IPO11: variants seen among roughly 807,000 people sequenced by gnomAD.
IPO11 encodes the protein importin 11, also known as importin-11.
Under a neutral mutation model 143.2 loss-of-function variants are expected in IPO11, and 66 were observed. The ratio of observed to expected loss-of-function variants is 0.46; its 90% CI spans 0.38 to 0.57. The LOEUF (loss-of-function observed/expected upper bound fraction) is 0.57. Ranked by LOEUF, IPO11 falls within the 20% of genes least tolerant of loss-of-function variation. The probability of loss-of-function intolerance (pLI) is 0.00; values close to 1 mark genes in which losing one functional copy is unlikely to be tolerated. For missense variants in IPO11, 1,026 were observed against 1,141.0 expected (o/e 0.90, Z 1.45); for synonymous variants, 385 against 377.8 (o/e 1.02, Z -0.22).
chr5:62,421,568 G>C (rs1157120275), intron 1 of IPO11, among the ~76,000 whole-genome samples: 1 of 152,158 alleles, frequency 6.6e-6, no homozygotes, highest in African/African-American at 2.4e-5. Context: ...TGTCACTAAT[G>C]AGCCTGTGAC....
In IPO11 at chr5:62,476,514, G is replaced by A. The variant is rs201940304; in HGVS notation, c.758-169G>A. Among the ~76,000 whole-genome samples, 22 of 152,202 alleles carry A rather than the reference G, an allele frequency of 1.4e-4. No homozygotes were observed. The East Asian group carries it at 4.0e-3, about 28-fold the overall frequency. The stretch of plus-strand genomic sequence containing the variant: ...AATTTTATATAATATGGCACAGAGG[G>A]CTACTGTGTCTGTTACTCAGTGTAA... On this transcript the variant is annotated intron_variant, in intron 8 of 29. Coordinates refer to ENST00000325324, the MANE Select transcript of IPO11 (RefSeq NM_016338.5).
chr5:62,586,752 CAAAAA>C lies in IPO11; in HGVS notation c.2583-4812_2583-4808del, dbSNP rs763383085. Among the ~76,000 whole-genome samples the C allele has an allele frequency of 2.4e-3, 148 of 60,470 alleles. 1 individual carries two copies. The highest frequency in any genetic ancestry group is 8.8e-3 in the African/African-American group (111 of 12,598). The allele number at this position is 60,470 out of a possible 152,430, so 39.7% of individuals were successfully genotyped here. On this transcript the variant is annotated intron_variant, in intron 27 of 29. Transcript: ENST00000325324. ...GGCAACAAGAGCAAAACTCAGTCTC[CAAAAA>C]AAAAAAAAAAAATATATATATATAT...
chr5:62,503,695 A>G (rs1424499872), intron 16 of IPO11, among the ~76,000 whole-genome samples: 1 of 152,184 alleles, frequency 6.6e-6, no homozygotes, highest in Admixed American at 6.5e-5. Context: ...CAGTGAATAA[A>G]AGGAAAAAGC....
chr5:62,522,288 G>GTTTTTTTTTGTT (rs748422686), intron 20 of IPO11, among the ~76,000 whole-genome samples: 4 of 140,200 alleles, frequency 2.9e-5, no homozygotes, highest in African/African-American at 1.1e-4. Context: ...ATTGTGGTGG[G>GTTTTTTTTTGTT]TTTTTTTTTT....
intron 1 of IPO11, among the ~76,000 whole-genome samples, chr5:62,423,877 C>A (rs1743603819): frequency 6.6e-6 from 1 of 152,154 alleles, no homozygotes; most frequent in Non-Finnish European, 1.5e-5. Context: ...AAATTAATTT[C>A]TTTCTTGTCT....
rs1561380790 is a variant in IPO11 at position 62,598,492 on chromosome 5, CTCTTTCTT to C, written c.2679-3242_2679-3235del. On this transcript the variant is annotated intron_variant, in intron 28 of 29. Coordinates refer to ENST00000325324, the MANE Select transcript of IPO11 (RefSeq NM_016338.5). ...TCTCTCTCTCTCTCTCTCTCTCTCT[CTCTTTCTT>C]TCTTTCTTTCTTTCTTTCTTTCTTT... Among the ~76,000 whole-genome samples the C allele has an allele frequency of 1.8e-3, 5 of 2,778 alleles. 1 individual carries two copies. The highest frequency in any genetic ancestry group is 0.012 in the South Asian group (1 of 82). The allele number at this position is 2,778 out of a possible 152,430, so 1.8% of individuals were successfully genotyped here.
In IPO11 at chr5:62,567,920, A is replaced by G. The variant is rs1050384739; in HGVS notation, c.2582+6663A>G. On this transcript the variant is annotated intron_variant, in intron 27 of 29. Coordinates refer to ENST00000325324, the MANE Select transcript of IPO11 (RefSeq NM_016338.5). ...CGTAAGCCTTATTCATTTGTTTTCA[A>G]TTTTTCTCCTCCTTTGATTGTGTTT... is the stretch of plus-strand genomic sequence containing the variant. 1.3e-4 allele frequency among the ~76,000 whole-genome samples: 19 copies of G among 146,916 alleles called. 2 individuals carry two copies. Among genetic ancestry groups the G allele is most frequent in the Admixed American group, 9.6e-4 (14 of 14,584 alleles).
At chr5:62,557,173 T>C (rs1464931204) in intron 26 of IPO11, among the ~76,000 whole-genome samples, 1 of 152,120 alleles carries the variant, frequency 6.6e-6, no homozygotes, top group Non-Finnish European at 1.5e-5. Context: ...ATAACAACTC[T>C]GGGATGGTCA....
intron 26 of IPO11, among the ~76,000 whole-genome samples, chr5:62,558,310 T>C (rs1743646431): frequency 6.6e-6 from 1 of 152,236 alleles, no homozygotes; most frequent in Admixed American, 6.5e-5. Context: ...CTATCAATAA[T>C]AAGCTAGTTT....
chr5:62,580,910 C>G (rs1744530338), intron 27 of IPO11: 5 of 1,551,336 alleles, frequency 3.2e-6, no homozygotes, highest in Non-Finnish European at 4.4e-6. Context: ...CTTACTACTT[C>G]TGTTACCTTG....
intron 26 of IPO11, chr5:62,560,884 A>T: frequency 3.8e-6 from 1 of 262,026 alleles, no homozygotes; most frequent in African/African-American, 2.2e-5. Flanking sequence ...ATACTACTAA[A>T]ATCACTCATG....
chr5:62,581,599 TACTTTAC>T (rs2030413648), intron 27 of IPO11: 2 of 260,810 alleles, frequency 7.7e-6, no homozygotes, highest in South Asian at 2.0e-4. Context: ...GCACTATTTA[TACTTTAC>T]AGGTGAGGAA....
At chr5:62,462,008 C>T (rs16890773) in intron 5 of IPO11, among the ~76,000 whole-genome samples, 5 of 152,088 alleles carry the variant, frequency 3.3e-5, no homozygotes, top group African/African-American at 4.8e-5. Context: ...GTAGTTCTCT[C>T]ATATTAAGTA....
chr5:62,556,041 G>A (rs1370125245), intron 26 of IPO11, among the ~76,000 whole-genome samples: 2 of 152,110 alleles, frequency 1.3e-5, no homozygotes, highest in Non-Finnish European at 2.9e-5. Flanking sequence ...AAATCCAAAT[G>A]CAATCCAGTG....
At chr5:62,605,301 A>G (rs1334475175) in intron 29 of IPO11, among the ~76,000 whole-genome samples, 1 of 152,210 alleles carries the variant, frequency 6.6e-6, no homozygotes, top group Non-Finnish European at 1.5e-5. Flanking sequence ...GATTAATATT[A>G]TATCAAATGT....
chr5:62,460,866 A>G (rs1433134915), intron 5 of IPO11, among the ~76,000 whole-genome samples: 3 of 152,086 alleles, frequency 2.0e-5, no homozygotes, highest in African/African-American at 7.2e-5. Context: ...TGGTTGCTTT[A>G]TTACTTACTC....
chr5:62,419,391 CTT>C, intron 1 of IPO11, among the ~76,000 whole-genome samples: 1 of 152,102 alleles, frequency 6.6e-6, no homozygotes, highest in East Asian at 1.9e-4. Context: ...AGTTTATAAA[CTT>C]TTTGTCTCTG....
intron 29 of IPO11, among the ~76,000 whole-genome samples, chr5:62,620,517 TAAAAA>T (rs71608518): frequency 1.0e-4 from 11 of 105,802 alleles, no homozygotes; most frequent in Non-Finnish European, 1.3e-4. Context: ...AGACTCTGTC[TAAAAA>T]AAAAAAAAAA....
At chr5:62,623,402 G>T (rs1746441744) in intron 29 of IPO11, among the ~76,000 whole-genome samples, 1 of 152,084 alleles carries the variant, frequency 6.6e-6, no homozygotes, top group Non-Finnish European at 1.5e-5. Flanking sequence ...TTTCTAGGAT[G>T]GAAAACACTT....
Sources: gnomAD v4.1 joint callset for allele counts (sites outside exome capture counted in the v4.1 genomes callset) on GRCh38, gnomAD v4.1.1 for gene constraint, MANE v1.5 for transcripts, NCBI Gene and HGNC (gene_info 2026-07-23, HGNC 2026-07-21) for gene names.